Variants in LPP observed in about 807,000 individuals in gnomAD.
The protein encoded by LPP is lipoma-preferred partner.
Under a neutral mutation model 60.4 loss-of-function variants are expected in LPP, and 38 were observed. The observed-to-expected ratio is 0.63, with a 90% confidence interval of 0.49 to 0.83. The LOEUF (loss-of-function observed/expected upper bound fraction) is 0.83. Among genes scored for constraint, LPP ranks in the 40% least tolerant of loss-of-function variants. The probability of loss-of-function intolerance (pLI) is 0.00; values close to 1 mark genes in which losing one functional copy is unlikely to be tolerated. For synonymous variants in LPP, 328 were observed against 290.8 expected (o/e 1.13, Z -1.30); for missense variants, 902 against 783.6 (o/e 1.15, Z -1.80).
chr3:188,828,895 T>A (rs1756391505), intron 9 of LPP, among the ~76,000 whole-genome samples: 1 of 152,172 alleles, frequency 6.6e-6, no homozygotes, highest in African/African-American at 2.4e-5. Context: ...TAATATATAG[T>A]GTGAATATAT....
At chr3:188,836,462 T>A (rs1240363613) in intron 9 of LPP, among the ~76,000 whole-genome samples, 1 of 152,234 alleles carries the variant, frequency 6.6e-6, no homozygotes, top group Non-Finnish European at 1.5e-5. Context: ...TGGAGTTCCC[T>A]CTTATTGTTT....
At chr3:188,287,683 G>A (rs1219545089) in intron 2 of LPP, among the ~76,000 whole-genome samples, 1 of 152,192 alleles carries the variant, frequency 6.6e-6, no homozygotes, top group Non-Finnish European at 1.5e-5. Flanking sequence ...TTATGTAGTA[G>A]TGATGGCCAA....
chr3:188,645,815 A>G (rs938839392), intron 7 of LPP, among the ~76,000 whole-genome samples: 1 of 151,906 alleles, frequency 6.6e-6, no homozygotes, highest in African/African-American at 2.4e-5. Flanking sequence ...AGTTCAAAAA[A>G]AAAAACAGAA....
intron 6 of LPP, among the ~76,000 whole-genome samples, chr3:188,578,155 A>G (rs1318194028): frequency 6.6e-6 from 1 of 152,112 alleles, no homozygotes. Flanking sequence ...GAAGAGAGAG[A>G]GCATTTACAC....
chr3:188,318,444 C>A (rs1273401125), intron 2 of LPP, among the ~76,000 whole-genome samples: 2 of 150,882 alleles, frequency 1.3e-5, no homozygotes, highest in Non-Finnish European at 3.0e-5. Flanking sequence ...AAACAAAACT[C>A]ATGAATATGT....
At chr3:188,739,274 G>A (rs186549857) in intron 8 of LPP, among the ~76,000 whole-genome samples, 308 of 152,124 alleles carry the variant, frequency 2.0e-3, no homozygotes, top group African/African-American at 7.2e-3. Flanking sequence ...AAAAAGAAAA[G>A]GAAGGAAGGG....
chr3:188,165,314 G>C (rs1168004429), intron 1 of LPP, among the ~76,000 whole-genome samples: 1 of 152,068 alleles, frequency 6.6e-6, no homozygotes, highest in Non-Finnish European at 1.5e-5. Flanking sequence ...TAATTGGATG[G>C]TAACTCCCTA....
rs1771009417 is a variant in LPP, at chr3:188,889,320, G to A, written c.*14841G>A. ...TTCTTACCCAGAGGTGGCAATAGGA[G>A]AGGGTCCATGTAAATAGGACGAGGT... On this transcript the variant is annotated 3_prime_UTR_variant, in exon 12 of 12. Coordinates refer to ENST00000617246, the MANE Select transcript of LPP (RefSeq NM_001375462.1). 1 of 231,762 alleles carries A rather than the reference G, an allele frequency of 4.3e-6. No homozygotes were observed. Among genetic ancestry groups the A allele is most frequent in the Admixed American group, 5.6e-5 (1 of 17,728 alleles). 14.4% of individuals were successfully genotyped at this position (231,762 alleles called of 1,614,324 possible).
chr3:188,334,614 A>G (rs1302473379), intron 2 of LPP, among the ~76,000 whole-genome samples: 1 of 151,860 alleles, frequency 6.6e-6, no homozygotes, highest in Non-Finnish European at 1.5e-5. Context: ...TGTTTTTAGT[A>G]CAGACGGGGT....
chr3:188,663,227 T>G (rs938415790), intron 7 of LPP, among the ~76,000 whole-genome samples: 2 of 152,210 alleles, frequency 1.3e-5, no homozygotes, highest in Non-Finnish European at 2.9e-5. Flanking sequence ...TCTTTCCATG[T>G]GAGACATCTT....
At chr3:188,800,201 A>C (rs1298238789) in intron 9 of LPP, among the ~76,000 whole-genome samples, 5 of 148,546 alleles carry the variant, frequency 3.4e-5, no homozygotes, top group African/African-American at 1.2e-4. Context: ...TGCCATTAAA[A>C]GCAAATATCT....
chr3:188,318,753 CTTTTTTT>C (rs10708836), intron 2 of LPP, among the ~76,000 whole-genome samples: 16,095 of 97,064 alleles, frequency 0.17, 1,153 homozygotes, highest in East Asian at 0.4. Flanking sequence ...AATTATGATT[CTTTTTTT>C]TTTTTTTTTT....
chr3:188,509,667 T>C (rs1332024196), intron 5 of LPP, among the ~76,000 whole-genome samples: 8 of 44,760 alleles, frequency 1.8e-4, no homozygotes, highest in Non-Finnish European at 3.0e-4. Flanking sequence ...CCTTCCTTCC[T>C]TCCTTCCTTC....
In LPP at chr3:188,881,196, G is replaced by T; in HGVS notation, c.*6717G>T. On this transcript the variant is annotated 3_prime_UTR_variant, in exon 12 of 12. Coordinates refer to ENST00000617246, the MANE Select transcript of LPP (RefSeq NM_001375462.1). ...CCTTTTAAAGATCTGAATCTTCTCT[G>T]TTATTTTCCTGATGAATCACCATCC... The T allele has an allele frequency of 6.2e-6, 1 of 161,254 alleles. No individual in the cohort carries two copies. Among genetic ancestry groups the T allele is most frequent in the East Asian group, 1.1e-4 (1 of 8,736 alleles). 10.0% of individuals were successfully genotyped at this position (161,254 alleles called of 1,614,324 possible). A position where few individuals can be genotyped will look rare whatever the true frequency, so the allele number is the denominator to read the frequency against.
At chr3:188,857,712 G>A (rs1222573828) in intron 9 of LPP, among the ~76,000 whole-genome samples, 1 of 152,114 alleles carries the variant, frequency 6.6e-6, no homozygotes, top group Non-Finnish European at 1.5e-5. Flanking sequence ...AAATCTAGAA[G>A]CCCATTTTAT....
At chr3:188,800,857 G>GT (rs1747019742) in intron 9 of LPP, among the ~76,000 whole-genome samples, 1 of 151,972 alleles carries the variant, frequency 6.6e-6, no homozygotes, top group African/African-American at 2.4e-5. Context: ...CTTTATCCAG[G>GT]TTTTTTGTTT....
chr3:188,304,572 T>A (rs1750919710), intron 2 of LPP, among the ~76,000 whole-genome samples: 1 of 152,188 alleles, frequency 6.6e-6, no homozygotes, highest in Non-Finnish European at 1.5e-5. Flanking sequence ...TAAAGTTATA[T>A]CTTAATATCT....
intron 2 of LPP, among the ~76,000 whole-genome samples, chr3:188,338,093 T>G (rs1762139188): frequency 6.6e-6 from 1 of 152,246 alleles, no homozygotes; most frequent in Non-Finnish European, 1.5e-5. Flanking sequence ...AAAATCTGAT[T>G]AATTTCAACA....
At chr3:188,324,582 A>G (rs545021119) in intron 2 of LPP, among the ~76,000 whole-genome samples, 3 of 152,344 alleles carry the variant, frequency 2.0e-5, no homozygotes, top group East Asian at 3.9e-4. Flanking sequence ...TTCTGCCTCC[A>G]GAATGTTTTC....
Sources: gnomAD v4.1 joint callset for allele counts (sites outside exome capture counted in the v4.1 genomes callset) on GRCh38, gnomAD v4.1.1 for gene constraint, MANE v1.5 for transcripts, NCBI Gene and HGNC (gene_info 2026-07-23, HGNC 2026-07-21) for gene names.